Variants in FAM120C observed in about 807,000 individuals in gnomAD.
The protein encoded by FAM120C is constitutive coactivator of PPAR-gamma-like protein 2.
FAM120C carries 14 observed loss-of-function variants against 71.2 expected under a neutral mutation model. The ratio of observed to expected loss-of-function variants is 0.20; its 90% CI spans 0.13 to 0.31. FAM120C has a LOEUF of 0.31. FAM120C is among the 10% of genes least tolerant of loss of function. FAM120C has a pLI of 1.00. For synonymous variants in FAM120C, 354 were observed against 353.2 expected, an observed-to-expected ratio of 1.00 and a Z score of -0.03; for missense variants, 500 against 879.0, an observed-to-expected ratio of 0.57 and a Z score of 5.45.
At chrX:54,129,305 G>A (rs782025199) in intron 9 of FAM120C, among the ~76,000 whole-genome samples, 22 of 104,857 alleles carry the variant, frequency 2.1e-4, no homozygotes, top group Admixed American at 1.9e-3. Flanking sequence ...CTTCTCAGAC[G>A]GGCGGCCGGG....
At chrX:54,090,938 A>G (rs781912914) in intron 11 of FAM120C, among the ~76,000 whole-genome samples, 84 of 111,025 alleles carry the variant, frequency 7.6e-4, no homozygotes, top group Non-Finnish European at 1.5e-3. Context: ...ATGCTTTCCT[A>G]TACTTCTACT....
At chrX:54,155,774 T>C (rs955031720) in intron 3 of FAM120C, among the ~76,000 whole-genome samples, 4 of 110,355 alleles carry the variant, frequency 3.6e-5, no homozygotes, top group Non-Finnish European at 5.7e-5. Flanking sequence ...AGGGGGAGAA[T>C]TGCTGAACTG....
chrX:54,166,808 TG>T (rs1557135235), intron 1 of FAM120C, among the ~76,000 whole-genome samples: 1 of 112,076 alleles, frequency 8.9e-6, no homozygotes, highest in Non-Finnish European at 1.9e-5. Context: ...CTGATAATAT[TG>T]GTCCCCTCCA....
Position 54,183,044 on chromosome X carries a change from C to G in FAM120C, c.155G>C (p.Gly52Ala). 8.6e-7 allele frequency: 1 copy of G among 1,157,423 alleles called. No homozygotes were observed. The highest frequency in any genetic ancestry group is 1.1e-6 in the Non-Finnish European group (1 of 871,453). The stretch of plus-strand genomic sequence containing the variant: ...GGAGCCCCTGGCGGCGCGTGGAGCC[C>G]CGGGCGCTAGGGCTGCAGTCGGCGG... ...QLPPTAALAP[G>A]APRAARGSVP... Residue 52 changes from glycine to alanine, a missense_variant, in exon 1 of 16, where the codon GGG becomes GCG. Gly to Ala is a moderately conservative substitution (Grantham distance 60, BLOSUM62 0). Transcript: ENST00000375180.
intron 9 of FAM120C, among the ~76,000 whole-genome samples, chrX:54,132,170 C>T (rs1557129492): frequency 9.0e-6 from 1 of 110,795 alleles, no homozygotes. Flanking sequence ...ATTCTCCCAT[C>T]TCAGCCCCCC....
chrX:54,166,601 T>A (rs1557135194), intron 1 of FAM120C, among the ~76,000 whole-genome samples: 2 of 111,981 alleles, frequency 1.8e-5, no homozygotes, highest in Non-Finnish European at 3.8e-5. Context: ...ATGACAAAAC[T>A]CTATCTATAC....
intron 9 of FAM120C, among the ~76,000 whole-genome samples, chrX:54,131,219 A>G (rs1421798937): frequency 1.8e-5 from 2 of 111,685 alleles, no homozygotes; most frequent in African/African-American, 3.3e-5. Flanking sequence ...CAAAAAATTC[A>G]TGGGAGAGAG....
At chrX:54,091,931 G>A (rs1362071561) in intron 10 of FAM120C, among the ~76,000 whole-genome samples, 1 of 111,333 alleles carries the variant, frequency 9.0e-6, no homozygotes, top group Non-Finnish European at 1.9e-5. Flanking sequence ...GGTCAGATTG[G>A]TGGCAGCCTG....
intron 1 of FAM120C, 146 bp from the exon 2 acceptor site, chrX:54,159,762 T>A: frequency 9.9e-5 from 11 of 111,095 alleles, no homozygotes; most frequent in Non-Finnish European, 1.8e-4. Context: ...CATTTTTTAC[T>A]TTTTTTTTTT....
chrX:54,156,609 G>A (rs782706544), intron 3 of FAM120C, among the ~76,000 whole-genome samples: 16 of 109,691 alleles, frequency 1.5e-4, no homozygotes, highest in African/African-American at 5.0e-4. Flanking sequence ...CACAGTGGCC[G>A]AGTGTGGTAA....
At chrX:54,097,389 A>G (rs182188901) in intron 10 of FAM120C, among the ~76,000 whole-genome samples, 8 of 111,713 alleles carry the variant, frequency 7.2e-5, no homozygotes, top group African/African-American at 2.6e-4. Flanking sequence ...TATAATCCCA[A>G]CACTTTGTGA....
rs1475203177 is a variant in FAM120C, at chrX:54,112,789, C to T, written c.2312+3756G>A. ...CTGGGAGGCGGAGCTTGCAGTGAGC[C>T]GAGATCGTGCCACTGCACTCCAGCC... On this transcript the variant is annotated intron_variant, in intron 10 of 15. Transcript: ENST00000375180. 6.2e-5 allele frequency among the ~76,000 whole-genome samples: 6 copies of T among 97,050 alleles called. No individual in the cohort carries two copies. The South Asian group carries it at 2.4e-3, about 39-fold the overall frequency. 84.3% of individuals were successfully genotyped at this position (97,050 alleles called of 115,157 possible). A position where few individuals can be genotyped will look rare whatever the true frequency, so the allele number is the denominator to read the frequency against.
chrX:54,112,432 G>A (rs1347181794), intron 10 of FAM120C, among the ~76,000 whole-genome samples: 4 of 110,233 alleles, frequency 3.6e-5, no homozygotes, highest in African/African-American at 1.3e-4. Context: ...AAGGCTGGGT[G>A]CAGTGGCTCA....
intron 10 of FAM120C, among the ~76,000 whole-genome samples, chrX:54,093,968 A>G (rs1321421586): frequency 9.0e-6 from 1 of 111,337 alleles, no homozygotes; most frequent in Admixed American, 9.7e-5. Flanking sequence ...ACATTTACTA[A>G]ATGCCTCTGA....
At chrX:54,085,394 C>A (rs1434558930) in intron 13 of FAM120C, among the ~76,000 whole-genome samples, 2 of 111,677 alleles carry the variant, frequency 1.8e-5, no homozygotes, top group African/African-American at 6.5e-5. Flanking sequence ...TCGAGACCAG[C>A]CTGACCAACA....
In FAM120C at chrX:54,071,445, A is replaced by T. The variant is rs782231626; in HGVS notation, c.*1588T>A. On this transcript the variant is annotated 3_prime_UTR_variant, in exon 16 of 16. Coordinates refer to ENST00000375180, the MANE Select transcript of FAM120C (RefSeq NM_017848.6). The stretch of plus-strand genomic sequence containing the variant: ...TGAAACAATCTAGGCGTGTAAAATC[A>T]AATAGTTTCCTCACACTTCCCTACC... The T allele has an allele frequency of 5.3e-5, 6 of 112,877 alleles. No homozygotes were observed. In the South Asian group the frequency reaches 2.2e-3, roughly 41 times the overall value. 9.3% of individuals were successfully genotyped at this position (112,877 alleles called of 1,213,427 possible).
intron 1 of FAM120C, chrX:54,171,708 A>G (rs1415581903): frequency 2.7e-5 from 3 of 111,978 alleles, no homozygotes; most frequent in Non-Finnish European, 3.8e-5. Flanking sequence ...AATGGAAAAC[A>G]GCTGTTTAGA....
intron 4 of FAM120C, among the ~76,000 whole-genome samples, chrX:54,149,239 T>A (rs782574392): frequency 8.9e-6 from 1 of 112,626 alleles, no homozygotes; most frequent in South Asian, 3.6e-4. Context: ...ATGCAATGAC[T>A]ATTACTCAGC....
chrX:54,103,776 AC>A (rs2066893384), intron 10 of FAM120C, among the ~76,000 whole-genome samples: 6 of 108,102 alleles, frequency 5.6e-5, no homozygotes, highest in Non-Finnish European at 9.5e-5. Flanking sequence ...TTTTCCAATA[AC>A]AGTCTTGCTG....
Sources: gnomAD v4.1 joint callset for allele counts (sites outside exome capture counted in the v4.1 genomes callset) on GRCh38, gnomAD v4.1.1 for gene constraint, MANE v1.5 for transcripts, NCBI Gene and HGNC (gene_info 2026-07-23, HGNC 2026-07-21) for gene names.